The following SYNE1 variants were observed in gnomAD, a reference collection of about 807,000 sequenced individuals.
SYNE1 encodes nesprin-1.
A neutral mutation model predicts 1,111.0 loss-of-function variants in SYNE1; 616 were observed. The ratio of observed to expected loss-of-function variants is 0.55; its 90% CI spans 0.52 to 0.59. The LOEUF (loss-of-function observed/expected upper bound fraction) is 0.59. Among genes scored for constraint, SYNE1 ranks in the 20% least tolerant of loss-of-function variants. SYNE1 has a pLI of 0.00. For synonymous variants in SYNE1, 3,855 were observed against 3,825.8 expected, an observed-to-expected ratio of 1.01 and a Z score of -0.28; for missense variants, 10,006 against 10,417.0, an observed-to-expected ratio of 0.96 and a Z score of 1.72.
At chr6:152,527,049 G>T (rs1460762389) in intron 4 of SYNE1, among the ~76,000 whole-genome samples, 1 of 152,180 alleles carries the variant, frequency 6.6e-6, no homozygotes, top group Non-Finnish European at 1.5e-5. Context: ...CACAGAATCA[G>T]AATTTGTTTT....
chr6:152,156,574 T>A (rs1025702080), intron 131 of SYNE1, among the ~76,000 whole-genome samples: 5 of 152,248 alleles, frequency 3.3e-5, no homozygotes, highest in African/African-American at 1.2e-4. Flanking sequence ...CCATACACTT[T>A]AAATCATCTT....
chr6:152,454,272 T>C (rs558484695), intron 24 of SYNE1, among the ~76,000 whole-genome samples: 1 of 151,174 alleles, frequency 6.6e-6, no homozygotes, highest in Non-Finnish European at 1.5e-5. Context: ...CAAATTGTGT[T>C]CTTCTTCAGA....
intron 29 of SYNE1, among the ~76,000 whole-genome samples, chr6:152,445,955 G>A (rs2098583806): frequency 1.3e-5 from 2 of 152,074 alleles, no homozygotes. Flanking sequence ...AGGCAGATGA[G>A]TGTGTAAAAA....
At chr6:152,151,201 G>A (rs1483868777) in intron 135 of SYNE1, among the ~76,000 whole-genome samples, 2 of 149,894 alleles carry the variant, frequency 1.3e-5, no homozygotes, top group African/African-American at 2.5e-5. Context: ...CAGCCTGGGC[G>A]ACAGAGTGAG....
At chr6:152,530,825 G>A (rs940818011) in intron 4 of SYNE1, among the ~76,000 whole-genome samples, 14 of 151,728 alleles carry the variant, frequency 9.2e-5, no homozygotes, top group South Asian at 2.1e-4. Context: ...GGGTTTCACC[G>A]TGTTAGCCAG....
chr6:152,194,906 T>C (rs1394090002), intron 127 of SYNE1, among the ~76,000 whole-genome samples: 2 of 152,084 alleles, frequency 1.3e-5, no homozygotes, highest in Non-Finnish European at 2.9e-5. Context: ...TTCTGTGTTT[T>C]CTTACATTTA....
At chr6:152,380,041 C>T (rs1407166037) in intron 56 of SYNE1, among the ~76,000 whole-genome samples, 1 of 152,096 alleles carries the variant, frequency 6.6e-6, no homozygotes, top group Non-Finnish European at 1.5e-5. Flanking sequence ...GTACATAAAT[C>T]TAAAGGACAG....
rs1193879156 is a variant in SYNE1, at chr6:152,122,529, C to T, written c.26301G>A (p.Met8767Ile). ...LLIGLACLVP[M>I]SEEDYSCALS... is the part of the protein sequence containing the mutation. The stretch of plus-strand genomic sequence containing the variant: ...GGGCACAGCTGTAGTCTTCCTCTGA[C>T]ATTGGTACAAGGCAGGCAAGCCCGA... The change falls in exon 146 of 146, where the codon ATG becomes ATA. Residue 8767 changes from methionine to isoleucine, a missense_variant. Met to Ile is a conservative substitution (Grantham distance 10, BLOSUM62 1). Coordinates refer to ENST00000367255, the MANE Select transcript of SYNE1 (RefSeq NM_182961.4). The T allele has an allele frequency of 4.3e-6, 7 of 1,614,082 alleles. No individual in the cohort carries two copies. Among genetic ancestry groups the T allele is most frequent in the African/African-American group, 1.3e-5 (1 of 74,922 alleles).
At chr6:152,480,911 T>C (rs2098890371) in intron 14 of SYNE1, 1 of 412,006 alleles carries the variant, frequency 2.4e-6, no homozygotes, top group Non-Finnish European at 4.8e-6. Context: ...CACTAGACTT[T>C]GGCAGAGAGA....
chr6:152,393,437 G>C lies in SYNE1; in HGVS notation c.7713-1869C>G, dbSNP rs542010080. On this transcript the variant is annotated intron_variant, in intron 51 of 145. Transcript: ENST00000367255. ...AAAAGCAAAATTTAAGTGCAATGTAGTTTTCAGAAAGTTATATGGTTGCAA... is the reference window on the plus strand; with the variant it reads ...AAAAGCAAAATTTAAGTGCAATGTACTTTTCAGAAAGTTATATGGTTGCAA... Among the ~76,000 whole-genome samples the C allele has an allele frequency of 2.0e-5, 3 of 152,054 alleles. No individual in the cohort carries two copies. In the South Asian group the frequency reaches 6.2e-4, roughly 32 times the overall value.
intron 24 of SYNE1, among the ~76,000 whole-genome samples, chr6:152,454,637 A>G (rs564473322): frequency 2.0e-5 from 3 of 152,364 alleles, no homozygotes; most frequent in African/African-American, 7.2e-5. Flanking sequence ...TAAGTCTCAC[A>G]CAGTCTCAGG....
chr6:152,470,185 T>C (rs970264209), intron 16 of SYNE1, among the ~76,000 whole-genome samples: 2 of 152,190 alleles, frequency 1.3e-5, no homozygotes, highest in Admixed American at 6.5e-5. Flanking sequence ...TTTTTATCAT[T>C]AATAATTGTT....
chr6:152,379,235 G>C (rs951071365), intron 56 of SYNE1, among the ~76,000 whole-genome samples: 12 of 152,036 alleles, frequency 7.9e-5, no homozygotes, highest in African/African-American at 2.9e-4. Flanking sequence ...ATAAATATCA[G>C]CTTATGTATT....
chr6:152,622,345 T>C (rs1376637199), intron 3 of SYNE1, among the ~76,000 whole-genome samples: 1 of 152,116 alleles, frequency 6.6e-6, no homozygotes, highest in Admixed American at 6.6e-5. Flanking sequence ...GGAGGCTTGT[T>C]GTATGGATTA....
chr6:152,156,533 T>C (rs937337334), intron 131 of SYNE1, among the ~76,000 whole-genome samples: 1 of 152,222 alleles, frequency 6.6e-6, no homozygotes, highest in East Asian at 1.9e-4. Flanking sequence ...TTGAATGCTG[T>C]AGTATTTGCA....
rs1399106051 is a variant in SYNE1, at chr6:152,136,683, C to G, written c.25594G>C (p.Asp8532His). ...DRLSQMNGRW[D>H]RVCSLLEEWR... ...TCCTCCAGCAGAGAGCACACTCGGT[C>G]CCAGCGCCCATTCATCTGCGACAAG... The change falls in exon 141 of 146, where the codon GAC becomes CAC. Residue 8532 changes from aspartate (D) to histidine (H), a missense_variant. By Grantham distance (81) the Asp-to-His change is moderately conservative. This residue lies in a region of SYNE1 where 761 missense variants were observed against 795.5 expected (regional missense o/e 0.96). Coordinates refer to ENST00000367255, the MANE Select transcript of SYNE1 (RefSeq NM_182961.4). 6.2e-7 allele frequency: 1 copy of G among 1,614,206 alleles called. No homozygotes were observed. The highest frequency in any genetic ancestry group is 1.7e-5 in the Admixed American group (1 of 60,026).
intron 133 of SYNE1, 120 bp from the exon 134 acceptor site, chr6:152,152,261 G>C: frequency 1.1e-6 from 1 of 886,608 alleles, no homozygotes; most frequent in South Asian, 1.4e-5. Flanking sequence ...CAGAGGGAAA[G>C]AATGATGTCT....
At chr6:152,568,540 T>G (rs2099428810) in intron 3 of SYNE1, among the ~76,000 whole-genome samples, 1 of 152,166 alleles carries the variant, frequency 6.6e-6, no homozygotes, top group Admixed American at 6.5e-5. Context: ...TGACCTCAGT[T>G]GATCCACCTG....
chr6:152,506,188 G>C (rs914853286), intron 8 of SYNE1, among the ~76,000 whole-genome samples: 19 of 152,148 alleles, frequency 1.2e-4, no homozygotes, highest in African/African-American at 4.6e-4. Context: ...AAAGAGAAGC[G>C]AGGCAAGCTC....
Sources: allele counts gnomAD v4.1 joint callset (sites outside exome capture counted in the v4.1 genomes callset), GRCh38; gene constraint gnomAD v4.1.1; regional missense constraint gnomAD v4.1.1; transcripts MANE v1.5; gene names NCBI Gene and HGNC (gene_info 2026-07-23, HGNC 2026-07-21).